The following NEDD4L variants were observed in gnomAD, a reference collection of about 807,000 sequenced individuals.
NEDD4L encodes NEDD4 like E3 ubiquitin protein ligase, also known as E3 ubiquitin-protein ligase NEDD4-like.
In NEDD4L, 54 loss-of-function variants were observed where a neutral mutation model predicts 148.9. The observed-to-expected ratio is 0.36, with a 90% confidence interval of 0.29 to 0.45. The LOEUF (loss-of-function observed/expected upper bound fraction) is 0.45. Ranked by LOEUF, NEDD4L falls within the 20% of genes least tolerant of loss-of-function variation. The probability of loss-of-function intolerance (pLI) is 1.00; values close to 1 mark genes in which losing one functional copy is unlikely to be tolerated. For synonymous variants in NEDD4L, 433 were observed against 440.7 expected, an observed-to-expected ratio of 0.98 and a Z score of 0.22; for missense variants, 856 against 1,233.8, an observed-to-expected ratio of 0.69 and a Z score of 4.59.
intron 2 of NEDD4L, among the ~76,000 whole-genome samples, chr18:58,209,787 C>T (rs922788541): frequency 6.6e-6 from 1 of 151,996 alleles, no homozygotes; most frequent in Non-Finnish European, 1.5e-5. Context: ...AATCCAATAG[C>T]TGGTTATTTG....
At chr18:58,073,361 A>G (rs76594209) in intron 1 of NEDD4L, among the ~76,000 whole-genome samples, 1,786 of 152,318 alleles carry the variant, frequency 0.012, 43 homozygotes, top group African/African-American at 0.04. Flanking sequence ...ACAAATCTAC[A>G]GTTATCAAGA....
intron 5 of NEDD4L, among the ~76,000 whole-genome samples, chr18:58,275,206 C>CAT (rs59240113): frequency 0.18 from 27,424 of 151,934 alleles, 2,596 homozygotes; most frequent in Non-Finnish European, 0.18. Flanking sequence ...CTAGAGAAAA[C>CAT]GTTAAAAATC....
At chr18:58,196,478 G>T (rs2040705212) in intron 2 of NEDD4L, among the ~76,000 whole-genome samples, 2 of 152,116 alleles carry the variant, frequency 1.3e-5, no homozygotes, top group Admixed American at 6.5e-5. Context: ...TGTAAATGAG[G>T]TGCATAATCA....
intron 1 of NEDD4L, chr18:58,044,954 C>G (rs1385018018): frequency 2.2e-6 from 1 of 455,338 alleles, no homozygotes; most frequent in Non-Finnish European, 3.9e-6. Flanking sequence ...GGGGTTCACT[C>G]CGCAGCTCCT....
chr18:58,195,304 G>T, intron 2 of NEDD4L: 1 of 650,152 alleles, frequency 1.5e-6, no homozygotes, highest in Non-Finnish European at 2.2e-6. Context: ...CAGCATTGTG[G>T]GGCTGTGGTT....
chr18:58,117,362 C>T lies in NEDD4L; in HGVS notation c.49-48426C>T, dbSNP rs73442625. Reference sequence around the variant, plus strand: ...ATCATATTCGAATTTGATTTGTGTACACTTTTGAGTTTGGATGTCAGCCAC... The same window carrying T: ...ATCATATTCGAATTTGATTTGTGTATACTTTTGAGTTTGGATGTCAGCCAC... On this transcript the variant is annotated intron_variant, in intron 1 of 30. Coordinates refer to ENST00000400345, the MANE Select transcript of NEDD4L (RefSeq NM_001144967.3). Among the ~76,000 whole-genome samples the T allele has an allele frequency of 9.6e-3, 1,457 of 152,306 alleles. 24 individuals are homozygous for T. Among genetic ancestry groups the T allele is most frequent in the African/African-American group, 0.031 (1,275 of 41,564 alleles).
intron 5 of NEDD4L, chr18:58,255,360 C>A: frequency 5.1e-6 from 2 of 392,150 alleles, no homozygotes; most frequent in Non-Finnish European, 8.2e-6. Flanking sequence ...CCTCTAAGTC[C>A]AGAAGCTGGC....
At chr18:58,093,491 C>T (rs975865787) in intron 1 of NEDD4L, among the ~76,000 whole-genome samples, 3 of 151,714 alleles carry the variant, frequency 2.0e-5, no homozygotes, top group Non-Finnish European at 2.9e-5. Flanking sequence ...GTAGGAGTAG[C>T]GAGCTAGAGT....
chr18:58,354,454 A>AG (rs2044325842), intron 18 of NEDD4L, among the ~76,000 whole-genome samples: 1 of 152,190 alleles, frequency 6.6e-6, no homozygotes, highest in African/African-American at 2.4e-5. Context: ...AAAAAAAAAA[A>AG]AAAAGGATAA....
intron 2 of NEDD4L, among the ~76,000 whole-genome samples, chr18:58,202,559 A>G (rs1479438868): frequency 6.6e-6 from 1 of 152,256 alleles, no homozygotes; most frequent in Non-Finnish European, 1.5e-5. Flanking sequence ...GTTTGCAAAC[A>G]GGGATGATGC....
intron 2 of NEDD4L, among the ~76,000 whole-genome samples, chr18:58,204,799 A>G (rs114887468): frequency 1.3e-5 from 2 of 152,058 alleles, no homozygotes; most frequent in African/African-American, 2.4e-5. Context: ...AAGGTCATCT[A>G]TGTGAATGTT....
At chr18:58,217,851 T>C (rs2043312589) in intron 2 of NEDD4L, among the ~76,000 whole-genome samples, 1 of 152,254 alleles carries the variant, frequency 6.6e-6, no homozygotes, top group African/African-American at 2.4e-5. Context: ...CATACTATGA[T>C]ATTTTTTAGA....
intron 24 of NEDD4L, among the ~76,000 whole-genome samples, chr18:58,375,380 C>T (rs2047432133): frequency 6.6e-6 from 1 of 152,168 alleles, no homozygotes; most frequent in Admixed American, 6.5e-5. Flanking sequence ...CCCTTATGGA[C>T]TATTTCTGAA....
chr18:58,122,237 C>T (rs765885915), intron 1 of NEDD4L, among the ~76,000 whole-genome samples: 5 of 152,220 alleles, frequency 3.3e-5, no homozygotes, highest in African/African-American at 7.2e-5. Flanking sequence ...CTGTGGCTCA[C>T]GCCTGTAATC....
intron 1 of NEDD4L, among the ~76,000 whole-genome samples, chr18:58,124,581 C>G (rs1467246218): frequency 6.6e-6 from 1 of 152,176 alleles, no homozygotes; most frequent in East Asian, 1.9e-4. Context: ...AGAGAGTCAC[C>G]TCTCTGTCTG....
intron 1 of NEDD4L, among the ~76,000 whole-genome samples, chr18:58,064,502 T>C (rs1409443916): frequency 6.6e-6 from 1 of 152,212 alleles, no homozygotes; most frequent in Non-Finnish European, 1.5e-5. Flanking sequence ...TTTCCTTTCC[T>C]AACCAATTAT....
chr18:58,217,727 C>G (rs1173279029), intron 2 of NEDD4L, among the ~76,000 whole-genome samples: 1 of 152,082 alleles, frequency 6.6e-6, no homozygotes, highest in Admixed American at 6.5e-5. Flanking sequence ...ATTGATCTAC[C>G]TGTAGAGCCA....
At chr18:58,373,344 A>G (rs372546276) in intron 24 of NEDD4L, 75 bp downstream of exon 24, 2 of 802,446 alleles carry the variant, frequency 2.5e-6, no homozygotes, top group African/African-American at 3.4e-5. Context: ...CTGTAACACA[A>G]CTTTGCTGGA....
chr18:58,091,237 G>C, intron 1 of NEDD4L: 1 of 152,188 alleles, frequency 6.6e-6, no homozygotes, highest in East Asian at 1.9e-4. Flanking sequence ...CAGTTGCTCT[G>C]TACCTTTCCT....
Sources: allele counts gnomAD v4.1 joint callset (sites outside exome capture counted in the v4.1 genomes callset), GRCh38; gene constraint gnomAD v4.1.1; transcripts MANE v1.5; gene names NCBI Gene and HGNC (gene_info 2026-07-23, HGNC 2026-07-21).